CRLS1: variants seen among roughly 807,000 people sequenced by gnomAD.
The protein encoded by CRLS1 is cardiolipin synthase 1.
A neutral mutation model predicts 37.0 loss-of-function variants in CRLS1; 24 were observed. That is an observed-to-expected ratio of 0.65 (90% CI 0.47 to 0.91). The LOEUF (loss-of-function observed/expected upper bound fraction) is 0.91. Ranked by LOEUF, CRLS1 falls within the 40% of genes least tolerant of loss-of-function variation. The pLI is 0.00. For missense variants in CRLS1, 373 were observed against 395.8 expected (o/e 0.94, Z 0.49); for synonymous variants, 135 against 159.7 (o/e 0.85, Z 1.17).
intron 6 of CRLS1, 49 bp from the exon 7 acceptor site, chr20:6,037,025 T>A (rs1481882207): frequency 3.0e-6 from 4 of 1,333,328 alleles, no homozygotes; most frequent in Non-Finnish European, 4.3e-6. Flanking sequence ...CCGTTGCTAC[T>A]ATTTTTTAGA....
chr20:6,015,507 C>T lies in CRLS1; in HGVS notation c.574+17C>T, dbSNP rs746637754. On this transcript the variant is annotated intron_variant, in intron 3 of 6. Transcript: ENST00000378863. ...TTATTCCAGGTAAGAACGCGTCATG[C>T]GTACTTTTGAATAGCACAGGGAAGA... The T allele has an allele frequency of 3.3e-5, 53 of 1,610,666 alleles. No homozygotes were observed. Among genetic ancestry groups the T allele is most frequent in the Middle Eastern group, 1.6e-4 (1 of 6,072 alleles).
chr20:6,037,214 C>A lies in CRLS1; in HGVS notation c.*56C>A. 2 of 1,306,116 alleles carry A rather than the reference C, an allele frequency of 1.5e-6. No homozygotes were observed. Among genetic ancestry groups the A allele is most frequent in the Non-Finnish European group, 2.2e-6 (2 of 915,704 alleles). 80.9% of individuals were successfully genotyped at this position (1,306,116 alleles called of 1,614,324 possible). Reference sequence around the variant, plus strand: ...GCAGTATACATCAATGGGAACAGGGCCCATGGAAATGTACAGGAGTTTCCC... The same window carrying A: ...GCAGTATACATCAATGGGAACAGGGACCATGGAAATGTACAGGAGTTTCCC... On this transcript the variant is annotated 3_prime_UTR_variant, in exon 7 of 7. Coordinates refer to ENST00000378863, the MANE Select transcript of CRLS1 (RefSeq NM_019095.6).
chr20:6,020,911 C>T (rs1979217690), intron 3 of CRLS1, among the ~76,000 whole-genome samples: 1 of 150,848 alleles, frequency 6.6e-6, no homozygotes, highest in Non-Finnish European at 1.5e-5. Flanking sequence ...GGATTACAGG[C>T]GTGAGCCACC....
At chr20:6,010,424 G>A (rs1440799218) in intron 2 of CRLS1, among the ~76,000 whole-genome samples, 10 of 152,172 alleles carry the variant, frequency 6.6e-5, no homozygotes, top group Non-Finnish European at 1.5e-4. Context: ...AAGGCTGTAG[G>A]TACCCCCACA....
At chr20:6,020,891 C>G (rs532900855) in intron 3 of CRLS1, among the ~76,000 whole-genome samples, 2 of 151,740 alleles carry the variant, frequency 1.3e-5, no homozygotes, top group Admixed American at 1.3e-4. Flanking sequence ...CTCTGCCTCC[C>G]GAAGTGCTGG....
At chr20:6,014,352 G>GCT (rs1353216098) in intron 2 of CRLS1, among the ~76,000 whole-genome samples, 1 of 152,164 alleles carries the variant, frequency 6.6e-6, no homozygotes. Context: ...CTGGACTACC[G>GCT]CTGTCTCCTC....
At chr20:6,007,198 A>G in intron 1 of CRLS1, 3 of 1,421,062 alleles carry the variant, frequency 2.1e-6, no homozygotes, top group Non-Finnish European at 1.8e-6. Flanking sequence ...AGACTCATGC[A>G]ATTATTACAT....
chr20:6,017,825 A>T (rs1299164450), intron 3 of CRLS1, among the ~76,000 whole-genome samples: 1 of 152,182 alleles, frequency 6.6e-6, no homozygotes, highest in Non-Finnish European at 1.5e-5. Context: ...TATCTCTCAA[A>T]GTTTTATAGT....
In CRLS1 at chr20:6,031,375, G is replaced by GT. The variant is rs1980157517; in HGVS notation, c.660+8dup. The GT allele has an allele frequency of 6.3e-7, 1 of 1,584,784 alleles. No homozygotes were observed. The highest frequency in any genetic ancestry group is 1.2e-5 in the South Asian group (1 of 86,322). ...TACCGAACTCTTCCAACACCAGTGAGTTTGTTTCCAAAAAGTATTCTTTTA... is the reference window on the plus strand; with the variant it reads ...TACCGAACTCTTCCAACACCAGTGAGTTTTGTTTCCAAAAAGTATTCTTTTA... On this transcript the variant is annotated splice_donor_region_variant and intron_variant, in intron 4 of 6. Coordinates refer to ENST00000378863, the MANE Select transcript of CRLS1 (RefSeq NM_019095.6).
intron 2 of CRLS1, among the ~76,000 whole-genome samples, chr20:6,014,176 A>ACC (rs1568618481): frequency 6.6e-6 from 1 of 152,230 alleles, no homozygotes; most frequent in Non-Finnish European, 1.5e-5. Flanking sequence ...GCTGAAGACA[A>ACC]CCACCCCTTT....
intron 3 of CRLS1, among the ~76,000 whole-genome samples, chr20:6,019,100 G>A (rs2122960919): frequency 6.6e-6 from 1 of 152,066 alleles, no homozygotes; most frequent in East Asian, 1.9e-4. Context: ...GTTTGATTAT[G>A]AATATTTCTA....
intron 3 of CRLS1, among the ~76,000 whole-genome samples, chr20:6,029,442 G>A (rs944135611): frequency 1.7e-4 from 26 of 149,080 alleles, no homozygotes; most frequent in African/African-American, 5.2e-4. Flanking sequence ...TTGGCTTGCT[G>A]CAGCCTCTGC....
intron 1 of CRLS1, 137 bp downstream of exon 1, chr20:6,006,689 C>T (rs187814135): frequency 8.3e-7 from 1 of 1,209,884 alleles, no homozygotes; most frequent in African/African-American, 1.6e-5. Flanking sequence ...AAAGAAGTTA[C>T]TGGCAGGTCA....
intron 2 of CRLS1, among the ~76,000 whole-genome samples, chr20:6,012,183 A>G (rs1379335932): frequency 1.3e-5 from 2 of 152,202 alleles, no homozygotes; most frequent in African/African-American, 2.4e-5. Flanking sequence ...TGGAGATTTT[A>G]GTGCCTTTCA....
chr20:6,016,551 A>C (rs1343335410), intron 3 of CRLS1, among the ~76,000 whole-genome samples: 1 of 152,084 alleles, frequency 6.6e-6, no homozygotes, highest in Non-Finnish European at 1.5e-5. Context: ...AAGTGATGGG[A>C]CTATTGGCTT....
Position 6,039,108 on chromosome 20 carries a change from T to C in CRLS1, c.*1950T>C, listed in dbSNP as rs1980778500. The C allele has an allele frequency of 6.6e-6, 1 of 152,230 alleles. No individual in the cohort carries two copies. The highest frequency in any genetic ancestry group is 2.4e-5 in the African/African-American group (1 of 41,450). The allele number at this position is 152,230 out of a possible 1,614,324, so 9.4% of individuals were successfully genotyped here. A position where few individuals can be genotyped will look rare whatever the true frequency, so the allele number is the denominator to read the frequency against. ...AGCTTAAAGCATTAGTGTCATTTAA[T>C]TACATGTCTGAGGAATTTATGCTAA... On this transcript the variant is annotated 3_prime_UTR_variant, in exon 7 of 7. Transcript: ENST00000378863.
chr20:6,006,535 G>A lies in CRLS1; in HGVS notation c.289G>A (p.Ala97Thr). Residue 97 changes from alanine (A) to threonine (T), a missense_variant, in exon 1 of 7, where the codon GCG becomes ACG. By Grantham distance (58) the Ala-to-Thr change is moderately conservative. Coordinates refer to ENST00000378863, the MANE Select transcript of CRLS1 (RefSeq NM_019095.6). ...AEAPGGQWGP[A>T]STPSLYENPW... Reference sequence around the variant, plus strand: ...AGCCCCGGGCGGCCAGTGGGGCCCGGCGAGCACCCCCAGCCTGGTACGTAC... The same window carrying A: ...AGCCCCGGGCGGCCAGTGGGGCCCGACGAGCACCCCCAGCCTGGTACGTAC... 1 of 1,323,020 alleles carries A rather than the reference G, an allele frequency of 7.6e-7. No individual in the cohort carries two copies. The highest frequency in any genetic ancestry group is 2.1e-5 in the South Asian group (1 of 46,876). The allele number at this position is 1,323,020 out of a possible 1,614,324, so 82.0% of individuals were successfully genotyped here.
intron 5 of CRLS1, among the ~76,000 whole-genome samples, chr20:6,033,278 C>T (rs576555529): frequency 6.6e-6 from 1 of 151,820 alleles, no homozygotes; most frequent in East Asian, 1.9e-4. Context: ...TACAGGCATG[C>T]GCCACCACGC....
chr20:6,006,582 G>T (rs2090058720), intron 1 of CRLS1, 30 bp downstream of exon 1: 1 of 1,254,882 alleles, frequency 8.0e-7, no homozygotes, highest in East Asian at 3.2e-5. Flanking sequence ...CGGCGGGCCG[G>T]CCCTGGGCTG....
Sources: gnomAD v4.1 joint callset for allele counts (sites outside exome capture counted in the v4.1 genomes callset) on GRCh38, gnomAD v4.1.1 for gene constraint, MANE v1.5 for transcripts, NCBI Gene and HGNC (gene_info 2026-07-23, HGNC 2026-07-21) for gene names.